The following DNAI7 variants were observed in gnomAD, a reference collection of about 807,000 sequenced individuals.
DNAI7 encodes dynein axonemal intermediate chain 7, also known as cancer susceptibility 1.
A neutral mutation model predicts 86.6 loss-of-function variants in DNAI7; 78 were observed. The observed-to-expected ratio is 0.90, with a 90% CI of 0.75 to 1.09. DNAI7 has a LOEUF of 1.09. Ranked by LOEUF, DNAI7 falls within the 50% of genes least tolerant of loss-of-function variation. The probability of loss-of-function intolerance (pLI) is 0.00; values close to 1 mark genes in which losing one functional copy is unlikely to be tolerated. For synonymous variants in DNAI7, 274 were observed against 273.0 expected, an observed-to-expected ratio of 1.00 and a Z score of -0.04; for missense variants, 753 against 810.2, an observed-to-expected ratio of 0.93 and a Z score of 0.86.
intron 1 of DNAI7, chr12:25,194,772 A>T (rs1950885258): frequency 9.8e-7 from 1 of 1,021,832 alleles, no homozygotes; most frequent in Non-Finnish European, 1.5e-6. Context: ...GTCTATCACT[A>T]CTGAAAGTTA....
intron 2 of DNAI7, among the ~76,000 whole-genome samples, chr12:25,181,909 G>A (rs867390129): frequency 6.6e-6 from 1 of 151,810 alleles, no homozygotes; most frequent in Admixed American, 6.6e-5. Context: ...GGGAACTGTT[G>A]GTATGAATGT....
intron 2 of DNAI7, among the ~76,000 whole-genome samples, chr12:25,174,427 C>A (rs372501710): frequency 2.7e-4 from 1 of 3,680 alleles, no homozygotes; most frequent in Non-Finnish European, 4.5e-4. Context: ...ATATATATAT[C>A]ATATATATCA....
intron 1 of DNAI7, chr12:25,194,771 T>A: frequency 1.0e-6 from 1 of 1,003,852 alleles, no homozygotes. Flanking sequence ...CGTCTATCAC[T>A]ACTGAAAGTT....
chr12:25,154,328 T>C lies in DNAI7; in HGVS notation c.429A>G (p.Val143=), dbSNP rs1264809006. Residue 143 remains valine, a synonymous_variant, in exon 6 of 16, where the codon GTA becomes GTG. Coordinates refer to ENST00000395987, the MANE Select transcript of DNAI7 (RefSeq NM_018272.5). Reference sequence around the variant, plus strand: ...ATGCATAAATACCTACATTTAGCACTACTTTACTCTTCTCAATCACTTCCT... The same window carrying C: ...ATGCATAAATACCTACATTTAGCACCACTTTACTCTTCTCAATCACTTCCT... ...TFEEVIEKSK[V]VLNLIEKLKF... The C allele has an allele frequency of 2.5e-6, 4 of 1,601,102 alleles. No individual in the cohort carries two copies. The highest frequency in any genetic ancestry group is 1.1e-5 in the South Asian group (1 of 87,704).
intron 9 of DNAI7, among the ~76,000 whole-genome samples, chr12:25,135,476 C>T (rs537325824): frequency 2.0e-5 from 3 of 152,048 alleles, no homozygotes; most frequent in Non-Finnish European, 2.9e-5. Context: ...GGGCAGGATC[C>T]GGGAACAGGG....
At chr12:25,114,616 T>C (rs1392428561) in intron 13 of DNAI7, 40 bp downstream of exon 13, 1 of 1,370,828 alleles carries the variant, frequency 7.3e-7, no homozygotes, top group Admixed American at 1.7e-5. Context: ...ATGGTTTACC[T>C]CTGATACGAT....
In DNAI7 at chr12:25,159,549, G is replaced by A. The variant is rs985367639; in HGVS notation, c.107-986C>T. On this transcript the variant is annotated intron_variant, in intron 3 of 15. Coordinates refer to ENST00000395987, the MANE Select transcript of DNAI7 (RefSeq NM_018272.5). ...CCAAAAGGTTTATAGCAATCCAATA[G>A]TGATTTTAACCAATAAGGTATGGCA... 3.9e-5 allele frequency among the ~76,000 whole-genome samples: 6 copies of A among 152,042 alleles called. 1 individual carries two copies. Among genetic ancestry groups the A allele is most frequent in the Non-Finnish European group, 7.4e-5 (5 of 67,996 alleles).
At chr12:25,174,605 A>G (rs1446233161) in intron 2 of DNAI7, among the ~76,000 whole-genome samples, 10 of 121,526 alleles carry the variant, frequency 8.2e-5, no homozygotes, top group African/African-American at 2.6e-4. Flanking sequence ...TATATATATG[A>G]TATATATATC....
chr12:25,126,588 T>G, intron 9 of DNAI7, among the ~76,000 whole-genome samples: 1 of 151,878 alleles, frequency 6.6e-6, no homozygotes, highest in East Asian at 1.9e-4. Flanking sequence ...GTGTTGGATT[T>G]AGGTAATTAA....
chr12:25,178,275 T>A (rs1949153994), intron 2 of DNAI7, among the ~76,000 whole-genome samples: 1 of 152,230 alleles, frequency 6.6e-6, no homozygotes, highest in Non-Finnish European at 1.5e-5. Context: ...TGATTTAATT[T>A]CTTAAATGAT....
intron 2 of DNAI7, among the ~76,000 whole-genome samples, chr12:25,185,002 C>T (rs1383041788): frequency 2.0e-5 from 3 of 151,426 alleles, no homozygotes; most frequent in African/African-American, 4.9e-5. Context: ...AAGAAATTCC[C>T]AGGCATGGTA....
At chr12:25,162,759 C>T (rs1355880588) in intron 2 of DNAI7, among the ~76,000 whole-genome samples, 2 of 152,232 alleles carry the variant, frequency 1.3e-5, no homozygotes, top group African/African-American at 4.8e-5. Flanking sequence ...TTATATACCT[C>T]CACTTCCTCT....
chr12:25,114,949 T>C, intron 12 of DNAI7, 79 bp from the exon 13 acceptor site: 2 of 1,063,498 alleles, frequency 1.9e-6, no homozygotes, highest in Non-Finnish European at 1.4e-6. Flanking sequence ...ACCAAAAAAA[T>C]TGCTTTGTGT....
rs1170977430 is a variant in DNAI7, at chr12:25,174,509, GAT to G, written c.22-13314_22-13313del. The stretch of plus-strand genomic sequence containing the variant: ...TATATCATATATCCCATATATATGG[GAT>G]ATATATATCATATATATCATATATA... On this transcript the variant is annotated intron_variant, in intron 2 of 15. Coordinates refer to ENST00000395987, the MANE Select transcript of DNAI7 (RefSeq NM_018272.5). 9.5e-4 allele frequency among the ~76,000 whole-genome samples: 78 copies of G among 81,788 alleles called. 26 individuals are homozygous for G. The highest frequency in any genetic ancestry group is 4.0e-3 in the African/African-American group (69 of 17,128). The allele number at this position is 81,788 out of a possible 152,430, so 53.7% of individuals were successfully genotyped here. A position where few individuals can be genotyped will look rare whatever the true frequency, so the allele number is the denominator to read the frequency against.
chr12:25,158,834 G>C (rs1381415185), intron 3 of DNAI7: 13 of 415,076 alleles, frequency 3.1e-5, no homozygotes, highest in Non-Finnish European at 2.9e-5. Flanking sequence ...ACAGACACAT[G>C]AAAAAATGTT....
At chr12:25,131,005 T>C (rs1942841493) in intron 9 of DNAI7, among the ~76,000 whole-genome samples, 9 of 152,164 alleles carry the variant, frequency 5.9e-5, no homozygotes, top group Admixed American at 5.9e-4. Context: ...TTACCTAACA[T>C]ATCAAACATA....
In DNAI7 at chr12:25,170,578, G is replaced by A. The variant is rs376258653; in HGVS notation, c.22-9381C>T. On this transcript the variant is annotated intron_variant, in intron 2 of 15. Coordinates refer to ENST00000395987, the MANE Select transcript of DNAI7 (RefSeq NM_018272.5). Reference sequence around the variant, plus strand: ...CAGCACTAGACAGGTCACCAAGACAGAAAGTCAACAAAGAAACAATGGATT... The same window carrying A: ...CAGCACTAGACAGGTCACCAAGACAAAAAGTCAACAAAGAAACAATGGATT... Among the ~76,000 whole-genome samples, 347 of 152,272 alleles carry A rather than the reference G, an allele frequency of 2.3e-3. 2 individuals are homozygous for A. The highest frequency in any genetic ancestry group is 7.6e-3 in the African/African-American group (316 of 41,554).
intron 1 of DNAI7, among the ~76,000 whole-genome samples, chr12:25,193,827 CTCT>C (rs1300412563): frequency 2.5e-4 from 1 of 4,080 alleles, no homozygotes. Context: ...TTCTTTTTTT[CTCT>C]TTTTTTTTTG....
chr12:25,154,230 A>C, intron 6 of DNAI7, 89 bp downstream of exon 6: 7 of 1,055,744 alleles, frequency 6.6e-6, no homozygotes, highest in Non-Finnish European at 9.5e-6. Flanking sequence ...TAGTGTTATT[A>C]CTTGGCAAAT....
Sources: gnomAD v4.1 joint callset for allele counts (sites outside exome capture counted in the v4.1 genomes callset) on GRCh38, gnomAD v4.1.1 for gene constraint, MANE v1.5 for transcripts, NCBI Gene and HGNC (gene_info 2026-07-23, HGNC 2026-07-21) for gene names.